NRXN3: variants seen among roughly 807,000 people sequenced by gnomAD.
NRXN3 encodes the protein neurexin III.
Under a neutral mutation model 137.6 loss-of-function variants are expected in NRXN3, and 32 were observed. That is an observed-to-expected ratio of 0.23 (90% CI 0.18 to 0.31). NRXN3 has a LOEUF of 0.31. Among genes scored for constraint, NRXN3 ranks in the 10% least tolerant of loss-of-function variants. The pLI, the probability that NRXN3 is intolerant of heterozygous loss-of-function variation, is 1.00. For missense variants in NRXN3, 1,574 were observed against 2,062.5 expected (o/e 0.76, Z 4.59); for synonymous variants, 798 against 784.5 (o/e 1.02, Z -0.29).
chr14:78,726,682 C>A (rs2098485335), intron 8 of NRXN3, among the ~76,000 whole-genome samples: 1 of 151,854 alleles, frequency 6.6e-6, no homozygotes, highest in South Asian at 2.1e-4. Flanking sequence ...TCACACCCGG[C>A]TAATTTTTGT....
intron 16 of NRXN3, among the ~76,000 whole-genome samples, chr14:79,493,147 A>G (rs1176826933): frequency 6.6e-6 from 1 of 152,200 alleles, no homozygotes; most frequent in Non-Finnish European, 1.5e-5. Context: ...CTAGGACTAA[A>G]TGGATGATCC....
At chr14:79,187,927 G>T (rs965849386) in intron 15 of NRXN3, among the ~76,000 whole-genome samples, 5 of 152,154 alleles carry the variant, frequency 3.3e-5, no homozygotes, top group African/African-American at 1.2e-4. Flanking sequence ...GATTCAGAAG[G>T]GTCAGTCGAG....
intron 6 of NRXN3, among the ~76,000 whole-genome samples, chr14:78,676,424 C>G (rs1416158308): frequency 6.6e-6 from 1 of 152,106 alleles, no homozygotes; most frequent in African/African-American, 2.4e-5. Context: ...TCAAACCAGC[C>G]ACACATTTCC....
At chr14:78,504,188 G>T (rs1244450187) in intron 4 of NRXN3, among the ~76,000 whole-genome samples, 3 of 152,160 alleles carry the variant, frequency 2.0e-5, no homozygotes, top group African/African-American at 7.2e-5. Flanking sequence ...GGAAACCCTG[G>T]TTAGTTGAAT....
intron 15 of NRXN3, among the ~76,000 whole-genome samples, chr14:79,338,717 GT>G (rs1159598788): frequency 6.6e-6 from 1 of 152,164 alleles, no homozygotes; most frequent in African/African-American, 2.4e-5. Flanking sequence ...GTTGAAGATT[GT>G]TTTGTTATTT....
chr14:79,567,815 G>A (rs2097564393), intron 16 of NRXN3, among the ~76,000 whole-genome samples: 1 of 152,130 alleles, frequency 6.6e-6, no homozygotes. Context: ...CTTTCTGGAT[G>A]TAAGTTTGGG....
intron 10 of NRXN3, among the ~76,000 whole-genome samples, chr14:78,878,527 A>G (rs1229325487): frequency 6.6e-6 from 1 of 152,140 alleles, no homozygotes; most frequent in African/African-American, 2.4e-5. Context: ...ACCAAGACTA[A>G]TTTATTCATT....
chr14:79,165,534 G>C (rs150943760), intron 15 of NRXN3, among the ~76,000 whole-genome samples: 1 of 151,934 alleles, frequency 6.6e-6, no homozygotes, highest in Non-Finnish European at 1.5e-5. Context: ...CTGGTTACTG[G>C]GAATCTATGC....
intron 16 of NRXN3, among the ~76,000 whole-genome samples, chr14:79,625,932 C>G (rs2153912920): frequency 6.6e-6 from 1 of 152,226 alleles, no homozygotes; most frequent in South Asian, 2.1e-4. Flanking sequence ...TGATGCATGT[C>G]TCATAGGACC....
chr14:79,366,526 T>C (rs887068461), intron 15 of NRXN3, among the ~76,000 whole-genome samples: 9 of 152,196 alleles, frequency 5.9e-5, no homozygotes, highest in African/African-American at 2.2e-4. Flanking sequence ...AGTTCAATTG[T>C]TTTAATTCTT....
At chr14:79,144,205 G>A (rs1426230234) in intron 15 of NRXN3, among the ~76,000 whole-genome samples, 2 of 152,078 alleles carry the variant, frequency 1.3e-5, no homozygotes, top group Non-Finnish European at 2.9e-5. Context: ...AATTATGTTG[G>A]CAAGTCTTTT....
At chr14:78,547,959 A>G (rs1211384804) in intron 4 of NRXN3, among the ~76,000 whole-genome samples, 1 of 152,192 alleles carries the variant, frequency 6.6e-6, no homozygotes, top group Non-Finnish European at 1.5e-5. Context: ...AAATTGAAAT[A>G]AAAGATGATT....
chr14:78,764,135 A>G (rs2098701286), intron 8 of NRXN3, among the ~76,000 whole-genome samples: 1 of 152,198 alleles, frequency 6.6e-6, no homozygotes, highest in Non-Finnish European at 1.5e-5. Context: ...AAGTGTTCCT[A>G]ATGACCATGC....
intron 15 of NRXN3, among the ~76,000 whole-genome samples, chr14:79,302,718 C>T (rs2085353004): frequency 6.6e-6 from 1 of 151,902 alleles, no homozygotes; most frequent in Admixed American, 6.6e-5. Flanking sequence ...TGTGACCCTT[C>T]CCCTCTGTCT....
chr14:78,918,456 A>G (rs1009065929), intron 10 of NRXN3, among the ~76,000 whole-genome samples: 2 of 152,162 alleles, frequency 1.3e-5, no homozygotes, highest in Non-Finnish European at 2.9e-5. Flanking sequence ...AGAAGTAACC[A>G]TGACACGTTG....
chr14:78,877,720 C>A (rs866343201), intron 10 of NRXN3, among the ~76,000 whole-genome samples: 1 of 152,262 alleles, frequency 6.6e-6, no homozygotes, highest in Middle Eastern at 3.4e-3. Flanking sequence ...GACTCAATTA[C>A]AATTTTAACT....
At chr14:79,589,550 T>TAAAAAAAAAAA (rs58740411) in intron 16 of NRXN3, among the ~76,000 whole-genome samples, 2 of 87,056 alleles carry the variant, frequency 2.3e-5, no homozygotes, top group East Asian at 3.5e-4. Flanking sequence ...GTAGAATACC[T>TAAAAAAAAAAA]AAAAAAAAAA....
chr14:78,643,499 A>G (rs1319533514), intron 4 of NRXN3, among the ~76,000 whole-genome samples: 1 of 152,246 alleles, frequency 6.6e-6, no homozygotes, highest in Non-Finnish European at 1.5e-5. Flanking sequence ...GTGTGTCAAA[A>G]TTATAGATCG....
chr14:79,041,563 C>G (rs972051506), intron 15 of NRXN3, among the ~76,000 whole-genome samples: 41 of 152,142 alleles, frequency 2.7e-4, no homozygotes, highest in Admixed American at 2.7e-3. Context: ...TTATTCAACT[C>G]ATTAGTGTCT....
Sources: gnomAD v4.1 joint callset for allele counts (sites outside exome capture counted in the v4.1 genomes callset) on GRCh38, gnomAD v4.1.1 for gene constraint, MANE v1.5 for transcripts, NCBI Gene and HGNC (gene_info 2026-07-23, HGNC 2026-07-21) for gene names.